ZNF700: variants seen among roughly 807,000 people sequenced by gnomAD.
The protein encoded by ZNF700 is zinc finger protein 700.
In ZNF700, 38 loss-of-function variants were observed where a neutral mutation model predicts 65.3. That is an observed-to-expected ratio of 0.58 (90% CI 0.45 to 0.76). The LOEUF (loss-of-function observed/expected upper bound fraction) is 0.76, where lower values mean the gene tolerates loss of function less well. Ranked by LOEUF, ZNF700 falls within the 30% of genes least tolerant of loss-of-function variation. ZNF700 has a pLI of 0.00. For synonymous variants in ZNF700, 285 were observed against 290.4 expected, an observed-to-expected ratio of 0.98 and a Z score of 0.19; for missense variants, 857 against 888.4, an observed-to-expected ratio of 0.96 and a Z score of 0.45.
In ZNF700 at chr19:11,950,097, T is replaced by C; in HGVS notation, c.2073T>C (p.Leu691=). Residue 691 remains leucine (L), a synonymous_variant, in exon 4 of 4, where the codon CTT becomes CTC. Transcript: ENST00000254321. ...CGNGFTSAKI[L]QIHARTHIGE... is the part of the protein sequence containing the mutation. ...ATGGATTCACATCTGCCAAGATTCTTCAAATACATGCAAGAACACACATTG... is the reference window on the plus strand; with the variant it reads ...ATGGATTCACATCTGCCAAGATTCTCCAAATACATGCAAGAACACACATTG... 1 of 1,614,194 alleles carries C rather than the reference T, an allele frequency of 6.2e-7. No homozygotes were observed. The highest frequency in any genetic ancestry group is 8.5e-7 in the Non-Finnish European group (1 of 1,180,022).
intron 1 of ZNF700, among the ~76,000 whole-genome samples, chr19:11,937,121 G>C (rs1972807739): frequency 1.3e-5 from 2 of 152,176 alleles, no homozygotes; most frequent in Admixed American, 6.6e-5. Flanking sequence ...CACAGATCAT[G>C]CTTTTTGTGT....
At chr19:11,939,068 G>C (rs1438052245) in intron 1 of ZNF700, among the ~76,000 whole-genome samples, 1 of 152,002 alleles carries the variant, frequency 6.6e-6, no homozygotes, top group Middle Eastern at 3.2e-3. Flanking sequence ...CTTTTTGATG[G>C]GGTTGTTTGA....
Position 11,949,010 on chromosome 19 carries a change from C to G in ZNF700, c.986C>G (p.Ser329Cys), listed in dbSNP as rs554927894. The G allele has an allele frequency of 5.0e-6, 8 of 1,605,730 alleles. No individual in the cohort carries two copies. In the Admixed American group the frequency reaches 7.1e-5, roughly 14 times the overall value. The change falls in exon 4 of 4, where the codon TCT becomes TGT. Residue 329 changes from serine (S) to cysteine (C), a missense_variant. Physicochemically the swap from Ser to Cys is moderately radical, Grantham distance 112. Coordinates refer to ENST00000254321, the MANE Select transcript of ZNF700 (RefSeq NM_144566.3). ...CTTCGTAGACATGAAAGGACCCACT[C>G]TGGGAAAAAACCGTATGAATGTAAG... ...SSLRRHERTH[S>C]GKKPYECKQY...
chr19:11,937,376 C>A (rs1355307833), intron 1 of ZNF700, among the ~76,000 whole-genome samples: 1 of 152,048 alleles, frequency 6.6e-6, no homozygotes, highest in East Asian at 1.9e-4. Flanking sequence ...CGGGGTCTCC[C>A]TATGTTGCCC....
At chr19:11,927,701 T>C (rs1338954129) in intron 1 of ZNF700, among the ~76,000 whole-genome samples, 2 of 152,346 alleles carry the variant, frequency 1.3e-5, no homozygotes, top group East Asian at 3.9e-4. Flanking sequence ...AACATAACTA[T>C]AATTATCTTG....
chr19:11,950,266 T>G lies in ZNF700; in HGVS notation c.*13T>G. On this transcript the variant is annotated 3_prime_UTR_variant, in exon 4 of 4. Transcript: ENST00000254321. ...AGCATTCAGCTAGCCTGGTTCCTTT[T>G]ATGGACATGAATAGACTCACACTGG... 1 of 1,600,898 alleles carries G rather than the reference T, an allele frequency of 6.2e-7. No individual in the cohort carries two copies. Among genetic ancestry groups the G allele is most frequent in the Non-Finnish European group, 8.5e-7 (1 of 1,175,726 alleles).
Position 11,949,020 on chromosome 19 carries a change from A to T in ZNF700, c.996A>T (p.Lys332Asn), listed in dbSNP as rs185038043. 6.2e-7 allele frequency: 1 copy of T among 1,606,240 alleles called. No homozygotes were observed. ...ATGAAAGGACCCACTCTGGGAAAAA[A>T]CCGTATGAATGTAAGCAATATGGGG... ...RRHERTHSGK[K>N]PYECKQYGEG... Residue 332 changes from lysine (K) to asparagine (N), a missense_variant, in exon 4 of 4, where the codon AAA (lysine) becomes AAT (asparagine). Around this residue, in one of 3 missense-constraint regions of ZNF700, gnomAD observed 603 missense variants for 619.9 expected, o/e 0.97. Coordinates refer to ENST00000254321, the MANE Select transcript of ZNF700 (RefSeq NM_144566.3).
chr19:11,940,760 G>A (rs1325212181), intron 1 of ZNF700, among the ~76,000 whole-genome samples: 3 of 152,178 alleles, frequency 2.0e-5, no homozygotes, highest in African/African-American at 4.8e-5. Context: ...GTATAGCCGA[G>A]TGGTCTGTTT....
At chr19:11,927,280 A>G (rs1001854843) in intron 1 of ZNF700, among the ~76,000 whole-genome samples, 3 of 152,016 alleles carry the variant, frequency 2.0e-5, no homozygotes, top group Admixed American at 6.6e-5. Context: ...CTTGAACCCC[A>G]GAGGCAGAGG....
chr19:11,949,643 A>G lies in ZNF700; in HGVS notation c.1619A>G (p.Gln540Arg), dbSNP rs1973027812. ...GGAGAGAAACCCTATGAATGCAACC[A>G]ATGTGGTAAAGCCTTCAGATGTTGC... ...HTGEKPYECN[Q>R]CGKAFRCCNS... Residue 540 changes from glutamine to arginine, a missense_variant, in exon 4 of 4, where the codon CAA becomes CGA. By Grantham distance (43) the Gln-to-Arg change is conservative. This residue lies in a region of ZNF700 where 251 missense variants were observed against 250.3 expected (regional missense o/e 1.00). Transcript: ENST00000254321. 1.2e-6 allele frequency: 2 copies of G among 1,613,952 alleles called. No individual in the cohort carries two copies. The highest frequency in any genetic ancestry group is 1.7e-6 in the Non-Finnish European group (2 of 1,180,000).
At chr19:11,925,495 C>T (rs998086553) in intron 1 of ZNF700, among the ~76,000 whole-genome samples, 6 of 152,264 alleles carry the variant, frequency 3.9e-5, no homozygotes, top group African/African-American at 1.4e-4. Context: ...CGACTGCGGC[C>T]GCGGCCCCTG....
intron 1 of ZNF700, among the ~76,000 whole-genome samples, chr19:11,939,724 G>A (rs1012616335): frequency 6.6e-6 from 1 of 152,090 alleles, no homozygotes; most frequent in Non-Finnish European, 1.5e-5. Flanking sequence ...GCCTCCTAAA[G>A]TACTGGAATT....
At chr19:11,940,652 TTCCACAGTG>T (rs1972867297) in intron 1 of ZNF700, among the ~76,000 whole-genome samples, 1 of 152,096 alleles carries the variant, frequency 6.6e-6, no homozygotes, top group Non-Finnish European at 1.5e-5. Context: ...AGAACAAAGC[TTCCACAGTG>T]TGGAAGGGGA....
rs1354992055 is a variant in ZNF700 at position 11,949,601 on chromosome 19, A to T, written c.1577A>T (p.His526Leu). Reference protein sequence around the residue: ...GFYSAKSFQTHEKTHTGEKPY... With the variant: ...GFYSAKSFQTLEKTHTGEKPY... ...TATTCTGCCAAGTCATTTCAAACAC[A>T]TGAAAAAACTCACACTGGAGAGAAA... The change falls in exon 4 of 4, where the codon CAT becomes CTT. Residue 526 changes from histidine to leucine, a missense_variant. By Grantham distance (99) the His-to-Leu change is moderately conservative. This residue lies in a region of ZNF700 where 3 missense variants were observed against 18.1 expected (regional missense o/e 0.17). Transcript: ENST00000254321. The T allele has an allele frequency of 3.7e-6, 6 of 1,613,306 alleles. No individual in the cohort carries two copies. The highest frequency in any genetic ancestry group is 5.1e-6 in the Non-Finnish European group (6 of 1,179,868).
In ZNF700 at chr19:11,949,403, A is replaced by G. The variant is rs1271543224; in HGVS notation, c.1379A>G (p.His460Arg). The G allele has an allele frequency of 6.2e-7, 1 of 1,613,492 alleles. No individual in the cohort carries two copies. Among genetic ancestry groups the G allele is most frequent in the Non-Finnish European group, 8.5e-7 (1 of 1,179,856 alleles). The change falls in exon 4 of 4, where the codon CAC (histidine) becomes CGC (arginine). Residue 460 changes from histidine to arginine, a missense_variant. This residue lies in a region of ZNF700 where 603 missense variants were observed against 619.9 expected (regional missense o/e 0.97). Transcript: ENST00000254321. ...GGGAAAGCCTTCAGATCTACCTCAC[A>G]CCTTCGAGTGCATGGTAGGACTCAT... is the stretch of plus-strand genomic sequence containing the variant. ...ECGKAFRSTSHLRVHGRTHTG... is the reference protein window; with the variant it reads ...ECGKAFRSTSRLRVHGRTHTG...
chr19:11,938,817 GTTGAAC>G (rs1972836890), intron 1 of ZNF700, among the ~76,000 whole-genome samples: 2 of 152,078 alleles, frequency 1.3e-5, no homozygotes. Flanking sequence ...TTCCACAATG[GTTGAAC>G]TAGTTTACAG....
At chr19:11,941,040 G>A (rs940888453) in intron 1 of ZNF700, among the ~76,000 whole-genome samples, 2 of 150,032 alleles carry the variant, frequency 1.3e-5, no homozygotes, top group Non-Finnish European at 3.0e-5. Flanking sequence ...GTTCTCCAAG[G>A]CCTCACCAGA....
At chr19:11,945,942 G>A in intron 1 of ZNF700, among the ~76,000 whole-genome samples, 1 of 152,106 alleles carries the variant, frequency 6.6e-6, no homozygotes, top group Non-Finnish European at 1.5e-5. Flanking sequence ...AGACTCGTGT[G>A]GCTTCGATTA....
chr19:11,939,927 G>A (rs1197070246), intron 1 of ZNF700: 1 of 151,644 alleles, frequency 6.6e-6, no homozygotes, highest in Non-Finnish European at 1.5e-5. Context: ...TTTCACGCAT[G>A]TTGTAGTATG....
Sources: allele counts gnomAD v4.1 joint callset (sites outside exome capture counted in the v4.1 genomes callset), GRCh38; gene constraint gnomAD v4.1.1; regional missense constraint gnomAD v4.1.1; transcripts MANE v1.5; gene names NCBI Gene and HGNC (gene_info 2026-07-23, HGNC 2026-07-21).